The following ITIH2 variants were observed in gnomAD, a reference collection of about 807,000 sequenced individuals.
The protein encoded by ITIH2 is inter-alpha-trypsin inhibitor heavy chain 2, also known as inter-alpha-trypsin inhibitor heavy chain H2.
Under a neutral mutation model 104.4 loss-of-function variants are expected in ITIH2, and 103 were observed. The observed-to-expected ratio is 0.99, with a 90% confidence interval of 0.84 to 1.16. The LOEUF is 1.16. ITIH2 is among the 50% of genes most tolerant of loss of function. The pLI is 0.00. For missense variants in ITIH2, 1,108 were observed against 1,162.4 expected, an observed-to-expected ratio of 0.95 and a Z score of 0.68; for synonymous variants, 436 against 435.4, an observed-to-expected ratio of 1.00 and a Z score of -0.02.
At chr10:7,747,867 C>G in intron 20 of ITIH2, among the ~76,000 whole-genome samples, 1 of 151,970 alleles carries the variant, frequency 6.6e-6, no homozygotes, top group East Asian at 1.9e-4. Context: ...CCTCTGCACT[C>G]CAGCTTGGGT....
chr10:7,705,231 A>G (rs750064947), intron 2 of ITIH2, 49 bp downstream of exon 2: 10 of 1,271,700 alleles, frequency 7.9e-6, no homozygotes, highest in Non-Finnish European at 1.1e-5. Flanking sequence ...GAAAGAGATT[A>G]TGGCAGAAGA....
chr10:7,707,314 T>C, intron 3 of ITIH2, 81 bp downstream of exon 3: 1 of 1,009,782 alleles, frequency 9.9e-7, no homozygotes, highest in East Asian at 2.4e-5. Flanking sequence ...TGTCTCTTTT[T>C]TCTTCATCAC....
At chr10:7,706,552 C>T (rs777051864) in intron 2 of ITIH2, among the ~76,000 whole-genome samples, 1 of 152,146 alleles carries the variant, frequency 6.6e-6, no homozygotes, top group Non-Finnish European at 1.5e-5. Flanking sequence ...AAAATCCCTG[C>T]TTTTATGTAG....
In ITIH2 at chr10:7,723,484, C is replaced by T. The variant is rs755089669; in HGVS notation, c.901C>T (p.Pro301Ser). ...FNGYFVHFFA[P>S]DNLDPIPKNI... ...TGGATATTTTGTCCACTTCTTTGCT[C>T]CTGACAACCTGGACCCAATTCCCAA... The change falls in exon 9 of 21, where the codon CCT becomes TCT. Residue 301 changes from proline to serine, a missense_variant. By Grantham distance (74) the Pro-to-Ser change is moderately conservative. Coordinates refer to ENST00000358415, the MANE Select transcript of ITIH2 (RefSeq NM_002216.3). 3 of 1,613,470 alleles carry T rather than the reference C, an allele frequency of 1.9e-6. No individual in the cohort carries two copies. Among genetic ancestry groups the T allele is most frequent in the Non-Finnish European group, 2.5e-6 (3 of 1,179,524 alleles).
intron 11 of ITIH2, 37 bp downstream of exon 11, chr10:7,727,865 T>C: frequency 6.2e-7 from 1 of 1,611,314 alleles, no homozygotes; most frequent in Non-Finnish European, 8.5e-7. Context: ...ACAAACACTT[T>C]CACTGTTGTT....
intron 14 of ITIH2, 49 bp downstream of exon 14, chr10:7,732,526 T>A: frequency 6.3e-7 from 1 of 1,585,630 alleles, no homozygotes; most frequent in South Asian, 1.1e-5. Flanking sequence ...AACTGAAATG[T>A]CCACCGTGAA....
chr10:7,745,872 A>C (rs905549997), intron 19 of ITIH2, among the ~76,000 whole-genome samples: 2 of 151,168 alleles, frequency 1.3e-5, no homozygotes, highest in Non-Finnish European at 3.0e-5. Flanking sequence ...CTCTTCCCTC[A>C]GCCTCCCGAG....
chr10:7,705,481 G>A (rs1456755329), intron 2 of ITIH2, among the ~76,000 whole-genome samples: 1 of 152,038 alleles, frequency 6.6e-6, no homozygotes, highest in Admixed American at 6.6e-5. Flanking sequence ...CAAGGAGGGA[G>A]GATCACTTGA....
At chr10:7,726,283 T>C (rs1834950830) in intron 9 of ITIH2, among the ~76,000 whole-genome samples, 1 of 152,138 alleles carries the variant, frequency 6.6e-6, no homozygotes, top group Non-Finnish European at 1.5e-5. Context: ...TTTTTGTTGA[T>C]GGAAATGTAC....
chr10:7,713,365 C>T lies in ITIH2; in HGVS notation c.467+80C>T, dbSNP rs1834816014. The T allele has an allele frequency of 4.4e-6, 5 of 1,147,722 alleles. No individual in the cohort carries two copies. In the South Asian group the frequency reaches 6.6e-5, roughly 15 times the overall value. 71.1% of individuals were successfully genotyped at this position (1,147,722 alleles called of 1,614,324 possible). On this transcript the variant is annotated intron_variant, in intron 5 of 20. Transcript: ENST00000358415. ...CTACTTCCTTCCCACAGCAGCAAAG[C>T]AGCCTCTGGAAAGGCACAGCACCTG...
At chr10:7,732,732 TTTTTA>T (rs1835015920) in intron 14 of ITIH2, among the ~76,000 whole-genome samples, 1 of 152,074 alleles carries the variant, frequency 6.6e-6, no homozygotes, top group Admixed American at 6.5e-5. Flanking sequence ...TATTTATTTA[TTTTTA>T]TTTTTTTTGA....
intron 6 of ITIH2, among the ~76,000 whole-genome samples, chr10:7,718,192 G>C (rs1834868603): frequency 6.6e-6 from 1 of 152,108 alleles, no homozygotes; most frequent in Non-Finnish European, 1.5e-5. Flanking sequence ...TTGTGGCCTT[G>C]TAGTCAGATC....
intron 2 of ITIH2, 75 bp downstream of exon 2, chr10:7,705,257 T>C (rs190013370): frequency 7.0e-6 from 7 of 1,004,766 alleles, no homozygotes; most frequent in East Asian, 2.4e-5. Context: ...AGTGTTAAGA[T>C]GCCTTCTGCT....
chr10:7,742,011 C>G (rs1835128913), intron 16 of ITIH2, among the ~76,000 whole-genome samples: 1 of 152,232 alleles, frequency 6.6e-6, no homozygotes, highest in East Asian at 1.9e-4. Context: ...TAATCATTTT[C>G]ATCTTCATTC....
In ITIH2 at chr10:7,749,221, T is replaced by C. The variant is rs753076299; in HGVS notation, c.2728T>C (p.Phe910Leu). The change falls in exon 21 of 21, where the codon TTT (phenylalanine) becomes CTT (leucine). Residue 910 changes from phenylalanine (F) to leucine (L), a missense_variant. Transcript: ENST00000358415. ...GAAAGACTACAGAACGGATCTAGTG[T>C]TTGGAACGGACGTTACCTGCTGGTT... Reference protein sequence around the residue: ...LQKDYRTDLVFGTDVTCWFVH... With the variant: ...LQKDYRTDLVLGTDVTCWFVH... 5.6e-6 allele frequency: 9 copies of C among 1,614,030 alleles called. No individual in the cohort carries two copies. The African/African-American group carries it at 1.2e-4, about 22-fold the overall frequency.
In ITIH2 at chr10:7,709,732, T is replaced by C. The variant is rs190415570; in HGVS notation, c.362+541T>C. ...CAGCTCTGTTAAGAGTCCTTTCTTA[T>C]ACTTCAAATATTTTCCACTTTCTAC... On this transcript the variant is annotated intron_variant, in intron 4 of 20. Transcript: ENST00000358415. Among the ~76,000 whole-genome samples, 681 of 152,352 alleles carry C rather than the reference T, an allele frequency of 4.5e-3. 7 individuals carry two copies. The highest frequency in any genetic ancestry group is 0.016 in the African/African-American group (663 of 41,592).
chr10:7,710,087 C>T (rs1161776535), intron 4 of ITIH2, among the ~76,000 whole-genome samples: 1 of 152,148 alleles, frequency 6.6e-6, no homozygotes, highest in Non-Finnish European at 1.5e-5. Flanking sequence ...CTCTTGACCT[C>T]GTGATCTGCC....
At chr10:7,745,946 G>T (rs1302774289) in intron 19 of ITIH2, among the ~76,000 whole-genome samples, 57 of 150,306 alleles carry the variant, frequency 3.8e-4, no homozygotes, top group Admixed American at 3.7e-3. Flanking sequence ...TAGAGATGGG[G>T]TTTCTCCATG....
chr10:7,732,935 G>C (rs1341070047), intron 14 of ITIH2, among the ~76,000 whole-genome samples: 2 of 152,096 alleles, frequency 1.3e-5, no homozygotes, highest in Non-Finnish European at 2.9e-5. Context: ...CACCATGTTA[G>C]CCAGGATGGT....
Sources: gnomAD v4.1 joint callset for allele counts (sites outside exome capture counted in the v4.1 genomes callset) on GRCh38, gnomAD v4.1.1 for gene constraint, MANE v1.5 for transcripts, NCBI Gene and HGNC (gene_info 2026-07-23, HGNC 2026-07-21) for gene names.